SPATA6L: variants seen among roughly 807,000 people sequenced by gnomAD.
SPATA6L encodes the protein spermatogenesis associated 6-like protein.
Under a neutral mutation model 49.2 loss-of-function variants are expected in SPATA6L, and 68 were observed. That is an observed-to-expected ratio of 1.38 (90% CI 1.14 to 1.69). SPATA6L has a LOEUF of 1.69. Ranked by LOEUF, SPATA6L falls within the 40% of genes most tolerant of loss-of-function variation. The pLI, the probability that SPATA6L is intolerant of heterozygous loss-of-function variation, is 0.00. For missense variants in SPATA6L, 668 were observed against 464.3 expected (o/e 1.44, Z -4.03); for synonymous variants, 198 against 165.7 (o/e 1.19, Z -1.50).
intron 3 of SPATA6L, among the ~76,000 whole-genome samples, chr9:4,635,744 A>G (rs1334724046): frequency 6.6e-6 from 1 of 152,256 alleles, no homozygotes; most frequent in Non-Finnish European, 1.5e-5. Context: ...GAACAGGAAC[A>G]AGGTGGACAT....
At chr9:4,603,453 T>C (rs1162095303) in intron 11 of SPATA6L, among the ~76,000 whole-genome samples, 1 of 152,022 alleles carries the variant, frequency 6.6e-6, no homozygotes, top group Non-Finnish European at 1.5e-5. Context: ...AAAAAAACCC[T>C]CTTTACTGAG....
downstream of SPATA6L, among the ~76,000 whole-genome samples, chr9:4,594,745 T>C (rs759817064): frequency 3.9e-5 from 6 of 152,208 alleles, no homozygotes; most frequent in Non-Finnish European, 8.8e-5. Flanking sequence ...CATGAATCAC[T>C]GGACATGGTG....
Position 4,661,995 on chromosome 9 carries a change from C to T in SPATA6L, c.81G>A (p.Val27=), listed in dbSNP as rs191205081. 1.8e-4 allele frequency: 293 copies of T among 1,614,082 alleles called. No homozygotes were observed. The East Asian group carries it at 6.2e-3, about 34-fold the overall frequency. ...GATTCATGAGGTAGACCCCGAGGTA[C>T]ACATCTTGTTTGCCAGGCAGGAACA... The part of the protein sequence containing the change: ...PGVFLPGKQD[V]YLGVYLMNQY... The change falls in exon 2 of 12, where the codon GTG becomes GTA. Residue 27 remains valine, a synonymous_variant. Coordinates refer to ENST00000682582, the MANE Select transcript of SPATA6L (RefSeq NM_001353486.2).
At chr9:4,664,587 G>A (rs1246739431) in intron 1 of SPATA6L, 1 of 167,056 alleles carries the variant, frequency 6.0e-6, no homozygotes, top group East Asian at 1.9e-4. Flanking sequence ...CAGAAAGACT[G>A]GAGAAGGTAT....
At chr9:4,650,838 G>GTA (rs1330517315) in intron 3 of SPATA6L, among the ~76,000 whole-genome samples, 31 of 36,508 alleles carry the variant, frequency 8.5e-4, no homozygotes, top group Non-Finnish European at 1.4e-3. Flanking sequence ...GTGTGTGTGT[G>GTA]TGTGTGTGTG....
chr9:4,612,037 G>C (rs1826883915), intron 9 of SPATA6L, among the ~76,000 whole-genome samples: 2 of 151,562 alleles, frequency 1.3e-5, no homozygotes, highest in East Asian at 3.9e-4. Context: ...AAGAGATAGG[G>C]TCTTGCTACC....
chr9:4,643,770 C>G (rs12348189), intron 3 of SPATA6L, among the ~76,000 whole-genome samples: 1,557 of 152,158 alleles, frequency 0.01, 23 homozygotes, highest in African/African-American at 0.029. Context: ...TCTGGGAGGC[C>G]GAAGCAGGCA....
chr9:4,643,734 G>A (rs1834581393), intron 3 of SPATA6L, among the ~76,000 whole-genome samples: 1 of 152,172 alleles, frequency 6.6e-6, no homozygotes, highest in African/African-American at 2.4e-5. Context: ...GCCGGGGGCA[G>A]TGGCTCACGT....
downstream of SPATA6L, among the ~76,000 whole-genome samples, chr9:4,595,999 C>T (rs1443857822): frequency 6.6e-6 from 1 of 152,166 alleles, no homozygotes; most frequent in Non-Finnish European, 1.5e-5. Flanking sequence ...GTTACATGCT[C>T]CACTTCACTC....
At chr9:4,633,077 G>C (rs975063056) in intron 4 of SPATA6L, 2 of 155,924 alleles carry the variant, frequency 1.3e-5, no homozygotes, top group African/African-American at 4.8e-5. Context: ...GAAATTAATT[G>C]AAGTGGATGA....
chr9:4,649,441 A>G (rs1203575247), intron 3 of SPATA6L, among the ~76,000 whole-genome samples: 2 of 152,202 alleles, frequency 1.3e-5, no homozygotes, highest in Non-Finnish European at 2.9e-5. Context: ...TATATAGTCA[A>G]TTAATTCTCA....
intron 11 of SPATA6L, among the ~76,000 whole-genome samples, 164 bp downstream of exon 11, chr9:4,604,015 G>C (rs1371329899): frequency 6.6e-6 from 1 of 152,196 alleles, no homozygotes; most frequent in Non-Finnish European, 1.5e-5. Flanking sequence ...GTGCACTGCA[G>C]TTATCATACA....
chr9:4,637,507 T>C (rs962828914), intron 3 of SPATA6L, among the ~76,000 whole-genome samples: 1 of 152,222 alleles, frequency 6.6e-6, no homozygotes, highest in Non-Finnish European at 1.5e-5. Context: ...TGTACATTAT[T>C]CTACTGCTGG....
At chr9:4,631,114 G>A (rs1313951573) in intron 4 of SPATA6L, among the ~76,000 whole-genome samples, 2 of 152,100 alleles carry the variant, frequency 1.3e-5, no homozygotes, top group African/African-American at 2.4e-5. Context: ...TCCACTCCTT[G>A]CAATGACTTA....
intron 9 of SPATA6L, among the ~76,000 whole-genome samples, chr9:4,616,167 C>T (rs1827946333): frequency 6.6e-6 from 1 of 152,106 alleles, no homozygotes; most frequent in Non-Finnish European, 1.5e-5. Context: ...GTCCCAGTTA[C>T]TCAGGAGGCT....
At chr9:4,624,968 T>C (rs1830063857) in intron 6 of SPATA6L, among the ~76,000 whole-genome samples, 1 of 152,202 alleles carries the variant, frequency 6.6e-6, no homozygotes. Flanking sequence ...TAGTTTTGGA[T>C]TGATATAGAG....
At chr9:4,627,855 A>C (rs10974661) in intron 5 of SPATA6L, 2 of 1,255,996 alleles carry the variant, frequency 1.6e-6, no homozygotes, top group Admixed American at 2.3e-5. Context: ...TTTGGAATCA[A>C]CCTAAGTGTC....
chr9:4,613,633 G>T (rs1171563402), intron 9 of SPATA6L, among the ~76,000 whole-genome samples: 1 of 151,886 alleles, frequency 6.6e-6, no homozygotes, highest in East Asian at 1.9e-4. Context: ...GCCCATGCTG[G>T]AGTGCAGTGG....
chr9:4,659,318 C>T (rs1343756702), intron 2 of SPATA6L, among the ~76,000 whole-genome samples: 1 of 152,174 alleles, frequency 6.6e-6, no homozygotes, highest in African/African-American at 2.4e-5. Flanking sequence ...TTAAAAGTGA[C>T]ATGCTCAAGT....
Sources: allele counts gnomAD v4.1 joint callset (sites outside exome capture counted in the v4.1 genomes callset), GRCh38; gene constraint gnomAD v4.1.1; transcripts MANE v1.5; gene names NCBI Gene and HGNC (gene_info 2026-07-23, HGNC 2026-07-21).